The following MOB4 variants were observed in gnomAD, a reference collection of about 807,000 sequenced individuals.
The protein encoded by MOB4 is MOB-like protein phocein.
Under a neutral mutation model 32.2 loss-of-function variants are expected in MOB4, and 4 were observed. That is an observed-to-expected ratio of 0.12 (90% CI 0.06 to 0.28). The LOEUF (loss-of-function observed/expected upper bound fraction) is 0.28, where lower values mean the gene tolerates loss of function less well. Ranked by LOEUF, MOB4 falls within the 10% of genes least tolerant of loss-of-function variation. MOB4 has a pLI of 1.00. For synonymous variants in MOB4, 88 were observed against 88.1 expected (o/e 1.00, Z 0.01); for missense variants, 158 against 271.2 (o/e 0.58, Z 2.93).
chr2:197,523,978 T>G (rs2086565452), intron 2 of MOB4, among the ~76,000 whole-genome samples: 2 of 152,222 alleles, frequency 1.3e-5, no homozygotes, highest in South Asian at 4.1e-4. Flanking sequence ...GATGGCATAT[T>G]AAGCTGGGCA....
chr2:197,516,543 G>A, intron 1 of MOB4: 3 of 545,712 alleles, frequency 5.5e-6, no homozygotes, highest in South Asian at 4.6e-5. Context: ...GCTGAGGTGG[G>A]AGGGGGTGTA....
chr2:197,527,702 C>G (rs556471003), intron 2 of MOB4, among the ~76,000 whole-genome samples: 68 of 152,240 alleles, frequency 4.5e-4, no homozygotes, highest in African/African-American at 1.5e-3. Flanking sequence ...AAGTGAGCAT[C>G]CTTGTCTCAT....
intron 1 of MOB4, among the ~76,000 whole-genome samples, chr2:197,522,287 ATTCT>A (rs2086533894): frequency 8.8e-6 from 1 of 113,666 alleles, no homozygotes; most frequent in Admixed American, 8.4e-5. Flanking sequence ...GGTCTTATTC[ATTCT>A]TTCTATTTTT....
chr2:197,515,868 TC>T, upstream of MOB4: 1 of 555,324 alleles, frequency 1.8e-6, no homozygotes, highest in Non-Finnish European at 3.2e-6. Context: ...GGTGCCTCAG[TC>T]CCTGCCAGTA....
rs1322286091 is a variant in MOB4, at chr2:197,550,537, G to A, written c.569G>A (p.Arg190Gln). The A allele has an allele frequency of 1.9e-6, 3 of 1,599,298 alleles. No homozygotes were observed. Among genetic ancestry groups the A allele is most frequent in the Non-Finnish European group, 2.6e-6 (3 of 1,175,170 alleles). ...EYENETFLCH[R>Q]FTKFVMKYNL... is the part of the protein sequence containing the mutation. Reference sequence around the variant, plus strand: ...CAGAATGAAACATTTTTGTGTCATCGGTTTACTAAGTTTGTGATGAAATAC... The same window carrying A: ...CAGAATGAAACATTTTTGTGTCATCAGTTTACTAAGTTTGTGATGAAATAC... Residue 190 changes from arginine to glutamine, a missense_variant, in exon 8 of 8, where the codon CGG (arginine) becomes CAG (glutamine). Around this residue, in one of 6 missense-constraint regions of MOB4, gnomAD observed 45 missense variants for 65.6 expected, o/e 0.69. Transcript: ENST00000323303.
At chr2:197,524,813 C>T (rs2086581825) in intron 2 of MOB4, among the ~76,000 whole-genome samples, 1 of 151,672 alleles carries the variant, frequency 6.6e-6, no homozygotes, top group Non-Finnish European at 1.5e-5. Flanking sequence ...CCCTGTTGCC[C>T]AGGCTGGAGT....
At chr2:197,537,131 C>T (rs1177008930) in intron 3 of MOB4, among the ~76,000 whole-genome samples, 1 of 152,184 alleles carries the variant, frequency 6.6e-6, no homozygotes, top group Non-Finnish European at 1.5e-5. Flanking sequence ...AACTTCCAGT[C>T]TTCTCTTTGG....
chr2:197,550,127 T>C (rs2087072754), intron 6 of MOB4, 148 bp from the exon 7 acceptor site: 2 of 598,984 alleles, frequency 3.3e-6, no homozygotes, highest in African/African-American at 3.7e-5. Flanking sequence ...GAGCAGGGGC[T>C]CCAGGCATTT....
intron 3 of MOB4, among the ~76,000 whole-genome samples, chr2:197,538,674 G>A (rs1355693663): frequency 6.6e-6 from 1 of 152,146 alleles, no homozygotes; most frequent in African/African-American, 2.4e-5. Flanking sequence ...ACTTGAAGTT[G>A]TGAGTTTTGC....
At chr2:197,549,329 G>A (rs2087053886) in intron 6 of MOB4, among the ~76,000 whole-genome samples, 2 of 152,074 alleles carry the variant, frequency 1.3e-5, no homozygotes, top group South Asian at 4.1e-4. Context: ...TATATTATCG[G>A]TGAAGTTTGT....
At chr2:197,520,386 G>A (rs2086494541) in intron 1 of MOB4, among the ~76,000 whole-genome samples, 1 of 151,982 alleles carries the variant, frequency 6.6e-6, no homozygotes, top group Non-Finnish European at 1.5e-5. Context: ...TGATCCGCCT[G>A]CCTCGGCCTC....
At chr2:197,522,005 GA>G (rs1479317387) in intron 1 of MOB4, among the ~76,000 whole-genome samples, 2 of 152,150 alleles carry the variant, frequency 1.3e-5, no homozygotes, top group Non-Finnish European at 2.9e-5. Flanking sequence ...AAGTGTCCAT[GA>G]AATCTTCACA....
At chr2:197,519,309 C>T (rs534234122) in intron 1 of MOB4, among the ~76,000 whole-genome samples, 21 of 152,230 alleles carry the variant, frequency 1.4e-4, no homozygotes, top group African/African-American at 4.8e-4. Context: ...TATGAGAAGG[C>T]GAAACATTTC....
intron 1 of MOB4, chr2:197,516,830 G>A (rs1263910620): frequency 7.0e-6 from 3 of 430,150 alleles, no homozygotes; most frequent in African/African-American, 6.1e-5. Flanking sequence ...TTTTTTGTAG[G>A]GCATTATGTG....
At chr2:197,544,774 A>G (rs1359223498) in intron 5 of MOB4, among the ~76,000 whole-genome samples, 1 of 152,068 alleles carries the variant, frequency 6.6e-6, no homozygotes, top group Non-Finnish European at 1.5e-5. Flanking sequence ...AAGGGTCAAA[A>G]TGGAAAAATT....
chr2:197,542,561 A>G (rs1168484070), intron 5 of MOB4, among the ~76,000 whole-genome samples: 4 of 152,246 alleles, frequency 2.6e-5, no homozygotes, highest in Non-Finnish European at 5.9e-5. Context: ...AGTATCCTTG[A>G]GAATTAAAGA....
chr2:197,535,459 T>C (rs2086781678), intron 2 of MOB4, 71 bp from the exon 3 acceptor site: 1 of 1,419,918 alleles, frequency 7.0e-7, no homozygotes, highest in Admixed American at 2.4e-5. Flanking sequence ...TATTAACAAA[T>C]TATATGTACT....
intron 3 of MOB4, 131 bp downstream of exon 3, chr2:197,535,761 T>G (rs962889822): frequency 1.0e-6 from 1 of 979,044 alleles, no homozygotes; most frequent in African/African-American, 1.7e-5. Flanking sequence ...TTTGGCATTT[T>G]CAGTGTCACA....
At chr2:197,539,739 ATC>A (rs1471797930) in intron 3 of MOB4, among the ~76,000 whole-genome samples, 1 of 152,186 alleles carries the variant, frequency 6.6e-6, no homozygotes, top group Non-Finnish European at 1.5e-5. Context: ...TTATACATTT[ATC>A]TGCATGCAGA....
Sources: gnomAD v4.1 joint callset for allele counts (sites outside exome capture counted in the v4.1 genomes callset) on GRCh38, gnomAD v4.1.1 for gene constraint, gnomAD v4.1.1 regional missense constraint, MANE v1.5 for transcripts, NCBI Gene and HGNC (gene_info 2026-07-23, HGNC 2026-07-21) for gene names.